EGFR: variants seen among roughly 807,000 people sequenced by gnomAD.
EGFR encodes epidermal growth factor receptor.
In EGFR, 58 loss-of-function variants were observed where a neutral mutation model predicts 143.0. The observed-to-expected ratio is 0.41, with a 90% CI of 0.33 to 0.50. The LOEUF (loss-of-function observed/expected upper bound fraction) is 0.50. Among genes scored for constraint, EGFR ranks in the 20% least tolerant of loss-of-function variants. The pLI, the probability that EGFR is intolerant of heterozygous loss-of-function variation, is 0.39. For missense variants in EGFR, 1,307 were observed against 1,579.0 expected, an observed-to-expected ratio of 0.83 and a Z score of 2.92; for synonymous variants, 613 against 594.4, an observed-to-expected ratio of 1.03 and a Z score of -0.45.
intron 1 of EGFR, among the ~76,000 whole-genome samples, chr7:55,041,978 A>G (rs1787921664): frequency 6.6e-6 from 1 of 152,218 alleles, no homozygotes; most frequent in Non-Finnish European, 1.5e-5. Flanking sequence ...ATTCACCAGC[A>G]CCAAAAAGCT....
chr7:55,131,252 G>A (rs979097655), intron 1 of EGFR, among the ~76,000 whole-genome samples: 11 of 151,266 alleles, frequency 7.3e-5, no homozygotes, highest in African/African-American at 2.4e-4. Flanking sequence ...TGGTTCTGTC[G>A]ACTAAACTGC....
chr7:55,149,539 C>A (rs138682896), intron 4 of EGFR, among the ~76,000 whole-genome samples: 86 of 152,220 alleles, frequency 5.6e-4, no homozygotes, highest in African/African-American at 1.9e-3. Flanking sequence ...GCTGGGGTGT[C>A]GAGAAACAGA....
intron 24 of EGFR, 139 bp downstream of exon 24, chr7:55,200,552 C>T (rs1193186639): frequency 1.1e-6 from 1 of 877,342 alleles, no homozygotes; most frequent in Non-Finnish European, 1.9e-6. Context: ...TTAGAGCAAG[C>T]CTCAGTAAGG....
At chr7:55,136,041 C>T (rs771151961) in intron 1 of EGFR, among the ~76,000 whole-genome samples, 11 of 152,146 alleles carry the variant, frequency 7.2e-5, no homozygotes, top group Admixed American at 2.0e-4. Context: ...TCATTGTTAA[C>T]AACACGGTGT....
intron 22 of EGFR, 148 bp downstream of exon 22, chr7:55,192,989 G>A (rs1787468009): frequency 2.7e-6 from 2 of 750,578 alleles, no homozygotes; most frequent in African/African-American, 3.5e-5. Context: ...TCTATCTATT[G>A]TACTGAGAAA....
At chr7:55,147,752 C>T (rs1286894638) in intron 4 of EGFR, among the ~76,000 whole-genome samples, 1 of 152,242 alleles carries the variant, frequency 6.6e-6, no homozygotes, top group Non-Finnish European at 1.5e-5. Flanking sequence ...AGCTGAAACT[C>T]TACCCATTAG....
intron 1 of EGFR, among the ~76,000 whole-genome samples, chr7:55,123,759 A>G (rs1022562994): frequency 2.6e-5 from 4 of 152,272 alleles, no homozygotes; most frequent in South Asian, 4.2e-4. Context: ...AGAGGAATCA[A>G]GCAGGAGGGG....
chr7:55,184,840 A>T (rs1861002), intron 20 of EGFR, among the ~76,000 whole-genome samples: 5,819 of 152,302 alleles, frequency 0.038, 370 homozygotes, highest in African/African-American at 0.13. Flanking sequence ...TGATTCCCCA[A>T]ATTGTGACAA....
At chr7:55,167,250 A>G (rs1203565456) in intron 15 of EGFR, among the ~76,000 whole-genome samples, 2 of 116,834 alleles carry the variant, frequency 1.7e-5, no homozygotes, top group East Asian at 3.3e-4. Flanking sequence ...TGGGAGTCAC[A>G]ATGGTGGTGG....
At chr7:55,148,693 T>G (rs80094282) in intron 4 of EGFR, among the ~76,000 whole-genome samples, 1 of 152,180 alleles carries the variant, frequency 6.6e-6, no homozygotes, top group Admixed American at 6.5e-5. Context: ...TTAGTCGCAT[T>G]GGAGAGTGCA....
In EGFR at chr7:55,068,121, T is replaced by C. The variant is rs556178984; in HGVS notation, c.88+48756T>C. ...GTATGTGTGTGCCTGTGTGTGTGTGTGCATGTGTGGTGGGGACACTAAAAA... is the reference window on the plus strand; with the variant it reads ...GTATGTGTGTGCCTGTGTGTGTGTGCGCATGTGTGGTGGGGACACTAAAAA... On this transcript the variant is annotated intron_variant, in intron 1 of 27. Coordinates refer to ENST00000275493, the MANE Select transcript of EGFR (RefSeq NM_005228.5). 2.1e-5 allele frequency among the ~76,000 whole-genome samples: 3 copies of C among 146,044 alleles called. No homozygotes were observed. In the East Asian group the frequency reaches 5.8e-4, roughly 28 times the overall value.
chr7:55,118,704 G>A (rs1391519309), intron 1 of EGFR, among the ~76,000 whole-genome samples: 1 of 152,078 alleles, frequency 6.6e-6, no homozygotes, highest in African/African-American at 2.4e-5. Flanking sequence ...AGCTCCAGGG[G>A]CCGACAAAGG....
At chr7:55,116,572 A>G (rs1792861062) in intron 1 of EGFR, among the ~76,000 whole-genome samples, 1 of 152,090 alleles carries the variant, frequency 6.6e-6, no homozygotes. Context: ...AAAGGTGTGT[A>G]ATTTGGCCAA....
chr7:55,190,888 G>A (rs1046708629), intron 20 of EGFR, among the ~76,000 whole-genome samples: 1 of 152,236 alleles, frequency 6.6e-6, no homozygotes. Flanking sequence ...GCCTGGGACA[G>A]TTGGGCTCAG....
rs776154077 is a variant in EGFR at position 55,181,279 on chromosome 7, C to A, written c.2284-14C>A. Reference sequence around the variant, plus strand: ...CATGCGAAGCCACACTGACGTGCCTCTCCCTCCCTCCAGGAAGCCTACGTG... The same window carrying A: ...CATGCGAAGCCACACTGACGTGCCTATCCCTCCCTCCAGGAAGCCTACGTG... On this transcript the variant is annotated splice_polypyrimidine_tract_variant and intron_variant, in intron 19 of 27. Transcript: ENST00000275493. 6.2e-7 allele frequency: 1 copy of A among 1,613,896 alleles called. No homozygotes were observed. Among genetic ancestry groups the A allele is most frequent in the Non-Finnish European group, 8.5e-7 (1 of 1,180,050 alleles).
intron 20 of EGFR, among the ~76,000 whole-genome samples, chr7:55,183,464 A>C (rs890338403): frequency 2.0e-5 from 3 of 152,186 alleles, no homozygotes; most frequent in Admixed American, 2.0e-4. Flanking sequence ...GCAAAACCCC[A>C]TTTCCAAATA....
intron 1 of EGFR, among the ~76,000 whole-genome samples, chr7:55,124,107 A>T (rs187372826): frequency 5.9e-5 from 9 of 152,356 alleles, no homozygotes; most frequent in Admixed American, 2.0e-4. Context: ...GAAATTAACA[A>T]GAAAGCTATA....
chr7:55,151,175 A>C lies in EGFR; in HGVS notation c.560-119A>C, dbSNP rs144187155. Reference sequence around the variant, plus strand: ...ACAAACCAGCCAGCCAAACAATCAGAGAATAAGTTGAAAAGATTGTCTTCA... The same window carrying C: ...ACAAACCAGCCAGCCAAACAATCAGCGAATAAGTTGAAAAGATTGTCTTCA... On this transcript the variant is annotated intron_variant, in intron 4 of 27. Coordinates refer to ENST00000275493, the MANE Select transcript of EGFR (RefSeq NM_005228.5). 135 of 1,014,388 alleles carry C rather than the reference A, an allele frequency of 1.3e-4. 3 individuals are homozygous for C. In the East Asian group the frequency reaches 3.2e-3, roughly 24 times the overall value. The allele number at this position is 1,014,388 out of a possible 1,614,324, so 62.8% of individuals were successfully genotyped here. A position where few individuals can be genotyped will look rare whatever the true frequency, so the allele number is the denominator to read the frequency against.
chr7:55,138,127 G>A (rs1794257209), intron 1 of EGFR, among the ~76,000 whole-genome samples: 2 of 152,170 alleles, frequency 1.3e-5, no homozygotes, highest in Admixed American at 6.5e-5. Flanking sequence ...TATGTGATAA[G>A]GTGAATGTAG....
Sources: gnomAD v4.1 joint callset for allele counts (sites outside exome capture counted in the v4.1 genomes callset) on GRCh38, gnomAD v4.1.1 for gene constraint, MANE v1.5 for transcripts, NCBI Gene and HGNC (gene_info 2026-07-23, HGNC 2026-07-21) for gene names.